Variants in NCALD observed in about 807,000 individuals in gnomAD.
The protein encoded by NCALD is neurocalcin-delta.
NCALD carries 10 observed loss-of-function variants against 18.6 expected under a neutral mutation model. The observed-to-expected ratio is 0.54, with a 90% CI of 0.33 to 0.91. The LOEUF is 0.91. Among genes scored for constraint, NCALD ranks in the 40% least tolerant of loss-of-function variants. The pLI, the probability that NCALD is intolerant of heterozygous loss-of-function variation, is 0.03. For missense variants in NCALD, 184 were observed against 247.6 expected, an observed-to-expected ratio of 0.74 and a Z score of 1.72; for synonymous variants, 88 against 87.4, an observed-to-expected ratio of 1.01 and a Z score of -0.04.
At position 101,811,879 on chromosome 8, in the gene NCALD, A is replaced by T. The variant is rs573638112; in HGVS notation, c.-20+75262T>A. On this transcript the variant is annotated intron_variant, in intron 4 of 6. Transcript: ENST00000311028. ...CAAAAGGACTTAAATTGCATGGACAATTTTCAAGAACTAGCCCATGTGGCT... is the reference window on the plus strand; with the variant it reads ...CAAAAGGACTTAAATTGCATGGACATTTTTCAAGAACTAGCCCATGTGGCT... 1.1e-4 allele frequency among the ~76,000 whole-genome samples: 16 copies of T among 152,336 alleles called. 1 individual carries two copies. The South Asian group carries it at 2.5e-3, about 24-fold the overall frequency.
intron 1 of NCALD, among the ~76,000 whole-genome samples, chr8:101,738,552 C>CAAAAAAAAA (rs34205453): frequency 5.3e-4 from 68 of 127,882 alleles, no homozygotes; most frequent in Non-Finnish European, 6.7e-4. Context: ...CTCAAAAAAA[C>CAAAAAAAAA]AAAAAAAAAA....
chr8:101,697,209 T>A (rs1815037257), intron 2 of NCALD, among the ~76,000 whole-genome samples: 2 of 151,866 alleles, frequency 1.3e-5, no homozygotes, highest in Admixed American at 6.6e-5. Context: ...AATGTATAAA[T>A]TCCTGGACAC....
chr8:102,095,968 G>C (rs990298338), intron 1 of NCALD, among the ~76,000 whole-genome samples: 5 of 152,120 alleles, frequency 3.3e-5, no homozygotes, highest in African/African-American at 1.2e-4. Flanking sequence ...GAACATCCCA[G>C]GTTTAGCCCT....
chr8:101,688,770 T>G lies in NCALD; in HGVS notation c.*539A>C. The G allele has an allele frequency of 1.7e-6, 1 of 580,004 alleles. No homozygotes were observed. The highest frequency in any genetic ancestry group is 3.2e-6 in the Non-Finnish European group (1 of 307,920). The allele number at this position is 580,004 out of a possible 1,614,324, so 35.9% of individuals were successfully genotyped here. On this transcript the variant is annotated 3_prime_UTR_variant, in exon 4 of 4. Transcript: ENST00000220931. ...TCACAGCTTAGAAACTACAGCCTGC[T>G]GGGGAAGAGAGGGGAGTGGGCCCCC...
chr8:102,040,370 A>G (rs1008469661), intron 1 of NCALD, among the ~76,000 whole-genome samples: 3 of 152,036 alleles, frequency 2.0e-5, no homozygotes, highest in African/African-American at 7.2e-5. Flanking sequence ...GCTACTTGGG[A>G]GGCTGAGGCA....
chr8:102,052,410 A>G (rs1203834104), intron 1 of NCALD, among the ~76,000 whole-genome samples: 1 of 152,236 alleles, frequency 6.6e-6, no homozygotes, highest in Non-Finnish European at 1.5e-5. Flanking sequence ...GACTGCCTGG[A>G]CAGCAGACCC....
chr8:102,008,884 C>A (rs1821801942), intron 2 of NCALD, among the ~76,000 whole-genome samples: 1 of 149,794 alleles, frequency 6.7e-6, no homozygotes, highest in Admixed American at 6.7e-5. Flanking sequence ...TTCCCAAGCC[C>A]AGCTACCACC....
chr8:101,820,280 A>T (rs1439515344), intron 4 of NCALD, among the ~76,000 whole-genome samples: 1 of 152,214 alleles, frequency 6.6e-6, no homozygotes, highest in African/African-American at 2.4e-5. Context: ...GACTTTGCCT[A>T]TTTTGTTCAC....
At chr8:102,084,917 TG>T (rs1334345385) in intron 1 of NCALD, among the ~76,000 whole-genome samples, 6 of 152,146 alleles carry the variant, frequency 3.9e-5, no homozygotes, top group African/African-American at 1.4e-4. Flanking sequence ...GTTGGGTTGG[TG>T]GGGTGGGAAG....
chr8:101,892,474 A>C (rs1816945580), intron 3 of NCALD, among the ~76,000 whole-genome samples: 1 of 149,440 alleles, frequency 6.7e-6, no homozygotes, highest in Non-Finnish European at 1.5e-5. Context: ...CTCCAAAGGA[A>C]CGCAGTTCCT....
chr8:101,908,384 T>C (rs1817680957), intron 3 of NCALD, among the ~76,000 whole-genome samples: 1 of 152,176 alleles, frequency 6.6e-6, no homozygotes, highest in Admixed American at 6.5e-5. Context: ...AACCCAGCAT[T>C]TTCAAGGCTG....
chr8:101,796,803 A>C (rs1051363874), intron 4 of NCALD, among the ~76,000 whole-genome samples: 1 of 152,362 alleles, frequency 6.6e-6, no homozygotes. Context: ...AAAGGAAAAT[A>C]TCTTGGGCCC....
intron 4 of NCALD, among the ~76,000 whole-genome samples, chr8:101,835,113 G>C (rs1231894752): frequency 6.6e-6 from 1 of 152,246 alleles, no homozygotes; most frequent in Non-Finnish European, 1.5e-5. Flanking sequence ...TTACATAGAA[G>C]TCCAATTTGT....
At chr8:102,086,985 T>A (rs1315219413) in intron 1 of NCALD, among the ~76,000 whole-genome samples, 1 of 152,180 alleles carries the variant, frequency 6.6e-6, no homozygotes, top group African/African-American at 2.4e-5. Flanking sequence ...ACTTACCCTA[T>A]ATGGTCTACA....
chr8:101,898,854 C>T (rs1817310310), intron 3 of NCALD, among the ~76,000 whole-genome samples: 1 of 152,036 alleles, frequency 6.6e-6, no homozygotes, highest in African/African-American at 2.4e-5. Flanking sequence ...TTATTTTAGA[C>T]ATTCTAGTTG....
intron 4 of NCALD, among the ~76,000 whole-genome samples, chr8:101,846,099 A>G (rs1164078222): frequency 1.3e-5 from 2 of 152,180 alleles, no homozygotes; most frequent in South Asian, 2.1e-4. Flanking sequence ...AGTTGATTCC[A>G]TATCTTGGCT....
chr8:101,771,652 T>C (rs1811589436), intron 1 of NCALD, among the ~76,000 whole-genome samples: 1 of 152,214 alleles, frequency 6.6e-6, no homozygotes, highest in Non-Finnish European at 1.5e-5. Flanking sequence ...TGGCAAACCA[T>C]TTTCATGACT....
At chr8:102,106,448 T>TGC (rs1825453305) in intron 1 of NCALD, among the ~76,000 whole-genome samples, 1 of 84,054 alleles carries the variant, frequency 1.2e-5, no homozygotes, top group African/African-American at 4.1e-5. Flanking sequence ...GCATATAGTA[T>TGC]ATATATATAT....
chr8:101,801,498 G>A (rs1413207059), intron 4 of NCALD, among the ~76,000 whole-genome samples: 5 of 151,580 alleles, frequency 3.3e-5, no homozygotes. Context: ...TGAAATCACA[G>A]AGAATACTCT....
Sources: gnomAD v4.1 joint callset for allele counts (sites outside exome capture counted in the v4.1 genomes callset) on GRCh38, gnomAD v4.1.1 for gene constraint, MANE v1.5 for transcripts, NCBI Gene and HGNC (gene_info 2026-07-23, HGNC 2026-07-21) for gene names.